The following CDYL variants were observed in gnomAD, a reference collection of about 807,000 sequenced individuals.
CDYL encodes the protein chromodomain Y-like protein.
A neutral mutation model predicts 47.3 loss-of-function variants in CDYL; 8 were observed. That is an observed-to-expected ratio of 0.17 (90% CI 0.10 to 0.31). The LOEUF is 0.31. CDYL is among the 10% of genes least tolerant of loss of function. The probability of loss-of-function intolerance (pLI) is 1.00; values close to 1 mark genes in which losing one functional copy is unlikely to be tolerated. For synonymous variants in CDYL, 266 were observed against 265.0 expected (o/e 1.00, Z -0.04); for missense variants, 471 against 701.4 (o/e 0.67, Z 3.71).
rs192107590 is a variant in CDYL, at chr6:4,888,016, T to C, written c.25-3697T>C. On this transcript the variant is annotated intron_variant, in intron 1 of 6. Transcript: ENST00000397588. ...ATGAATGTTAATTGACTTTCACATA[T>C]TAAACCAGCCTTGCATTTTTGGAAT... Among the ~76,000 whole-genome samples the C allele has an allele frequency of 2.0e-5, 3 of 152,282 alleles. No homozygotes were observed. The East Asian group carries it at 5.8e-4, about 29-fold the overall frequency.
intron 2 of CDYL, among the ~76,000 whole-genome samples, chr6:4,733,654 A>G (rs980809319): frequency 4.6e-5 from 7 of 151,968 alleles, no homozygotes; most frequent in Non-Finnish European, 1.0e-4. Flanking sequence ...GGTCATTAAG[A>G]CTCCATCTCA....
rs1176819548 is a variant in CDYL at position 4,821,260 on chromosome 6, C to CTTTTTTTTT, written c.24+44474_24+44482dup. 1.0e-3 allele frequency among the ~76,000 whole-genome samples: 61 copies of CTTTTTTTTT among 60,384 alleles called. 6 individuals carry two copies. The highest frequency in any genetic ancestry group is 5.1e-3 in the East Asian group (9 of 1,766). 39.6% of individuals were successfully genotyped at this position (60,384 alleles called of 152,430 possible). A position where few individuals can be genotyped will look rare whatever the true frequency, so the allele number is the denominator to read the frequency against. Reference sequence around the variant, plus strand: ...TGATTATCATGGTCATATGGGAATTCTTTTTTTTTTTTTTTTTTTTTTTTT... The same window carrying CTTTTTTTTT: ...TGATTATCATGGTCATATGGGAATTCTTTTTTTTTTTTTTTTTTTTTTTTTTTTTTTTTT... On this transcript the variant is annotated intron_variant, in intron 1 of 6. Coordinates refer to ENST00000397588, the MANE Select transcript of CDYL (RefSeq NM_004824.4).
At chr6:4,887,565 T>C (rs1039238378) in intron 1 of CDYL, among the ~76,000 whole-genome samples, 5 of 152,164 alleles carry the variant, frequency 3.3e-5, no homozygotes, top group African/African-American at 1.2e-4. Flanking sequence ...CTTGGTGAAC[T>C]TCTTTGTTCT....
chr6:4,820,624 C>T (rs1220319249), intron 1 of CDYL, among the ~76,000 whole-genome samples: 1 of 152,104 alleles, frequency 6.6e-6, no homozygotes, highest in Non-Finnish European at 1.5e-5. Flanking sequence ...TCTCCCCCAC[C>T]AGATTGTATT....
chr6:4,711,020 C>T (rs1406259894), intron 1 of CDYL, among the ~76,000 whole-genome samples: 2 of 152,018 alleles, frequency 1.3e-5, no homozygotes, highest in Admixed American at 6.6e-5. Context: ...ATATGTACTG[C>T]AAAATGCCAT....
intron 1 of CDYL, among the ~76,000 whole-genome samples, chr6:4,812,011 G>GC (rs1759542324): frequency 6.6e-6 from 1 of 152,172 alleles, no homozygotes; most frequent in South Asian, 2.1e-4. Context: ...CATCAAGCTT[G>GC]CTGGAGTTGG....
chr6:4,909,760 G>C (rs1001517427), intron 2 of CDYL, among the ~76,000 whole-genome samples: 4 of 151,268 alleles, frequency 2.6e-5, no homozygotes, highest in Non-Finnish European at 4.4e-5. Context: ...ATTTTTAGTA[G>C]AGATGGGGTT....
chr6:4,905,933 A>T (rs1375881356), intron 2 of CDYL, among the ~76,000 whole-genome samples: 1 of 152,234 alleles, frequency 6.6e-6, no homozygotes, highest in Non-Finnish European at 1.5e-5. Flanking sequence ...AATTTCTTAC[A>T]TAGGACCTTT....
chr6:4,896,859 A>C (rs1008649431), intron 2 of CDYL, among the ~76,000 whole-genome samples: 2 of 152,220 alleles, frequency 1.3e-5, no homozygotes, highest in African/African-American at 2.4e-5. Context: ...TTGCCACCAA[A>C]AACCACAGAT....
At chr6:4,943,789 T>C (rs567567084) in intron 5 of CDYL, 33 bp downstream of exon 5, 2 of 841,586 alleles carry the variant, frequency 2.4e-6, no homozygotes, top group Non-Finnish European at 3.7e-6. Context: ...AAAAAAAAAG[T>C]CATTCTAGAA....
chr6:4,780,618 A>T (rs1383691148), intron 1 of CDYL, among the ~76,000 whole-genome samples: 1 of 152,150 alleles, frequency 6.6e-6, no homozygotes, highest in Non-Finnish European at 1.5e-5. Flanking sequence ...TACTTGTCTT[A>T]ACTATCCTAA....
rs777561414 is a variant in CDYL, at chr6:4,954,085, G to C, written c.*29G>C. ...TCGGGCTGCCCACTGGTGACACCGG[G>C]ATCGGGCTGAGCAGGAGAACATCAC... On this transcript the variant is annotated 3_prime_UTR_variant, in exon 7 of 7. Coordinates refer to ENST00000397588, the MANE Select transcript of CDYL (RefSeq NM_004824.4). 3.1e-6 allele frequency: 5 copies of C among 1,604,214 alleles called. No homozygotes were observed. In the African/African-American group the frequency reaches 6.7e-5, roughly 21 times the overall value.
At chr6:4,826,624 G>C (rs1179100123) in intron 1 of CDYL, among the ~76,000 whole-genome samples, 2 of 152,104 alleles carry the variant, frequency 1.3e-5, no homozygotes, top group Non-Finnish European at 2.9e-5. Flanking sequence ...TGTTGAAGGA[G>C]GGTGTTGTTT....
chr6:4,925,552 A>G (rs1310171776), intron 2 of CDYL, among the ~76,000 whole-genome samples: 4 of 151,298 alleles, frequency 2.6e-5, no homozygotes, highest in Non-Finnish European at 4.4e-5. Flanking sequence ...AGTAGCTGGG[A>G]CTACAGGCAC....
chr6:4,707,256 C>T (rs1381768113), intron 1 of CDYL, among the ~76,000 whole-genome samples: 3 of 152,260 alleles, frequency 2.0e-5, no homozygotes, highest in Non-Finnish European at 4.4e-5. Flanking sequence ...AATGACTAAA[C>T]TGTAATTCAA....
intron 2 of CDYL, among the ~76,000 whole-genome samples, chr6:4,901,510 CA>C (rs1269624005): frequency 2.0e-5 from 3 of 152,156 alleles, no homozygotes; most frequent in African/African-American, 7.2e-5. Context: ...TAAGTTCCTC[CA>C]ACATTCATCT....
chr6:4,944,340 G>A (rs1758449275), intron 5 of CDYL, among the ~76,000 whole-genome samples: 1 of 152,230 alleles, frequency 6.6e-6, no homozygotes, highest in Non-Finnish European at 1.5e-5. Context: ...CAGGTAGTCA[G>A]TACCTGTGGA....
chr6:4,813,669 T>A (rs1014785687), intron 1 of CDYL, among the ~76,000 whole-genome samples: 2 of 152,252 alleles, frequency 1.3e-5, no homozygotes, highest in Non-Finnish European at 2.9e-5. Flanking sequence ...TTTATCCGAT[T>A]GTTATTAGAA....
At chr6:4,809,497 A>G (rs1282920403) in intron 1 of CDYL, among the ~76,000 whole-genome samples, 1 of 151,338 alleles carries the variant, frequency 6.6e-6, no homozygotes, top group Non-Finnish European at 1.5e-5. Context: ...TATGATAGGG[A>G]TATTATATTA....
Sources: allele counts gnomAD v4.1 joint callset (sites outside exome capture counted in the v4.1 genomes callset), GRCh38; gene constraint gnomAD v4.1.1; transcripts MANE v1.5; gene names NCBI Gene and HGNC (gene_info 2026-07-23, HGNC 2026-07-21).